MYO1D: variants seen among roughly 807,000 people sequenced by gnomAD.
The protein encoded by MYO1D is myosin ID.
Under a neutral mutation model 122.0 loss-of-function variants are expected in MYO1D, and 83 were observed. The observed-to-expected ratio is 0.68, with a 90% CI of 0.57 to 0.82. MYO1D has a LOEUF of 0.82. MYO1D is among the 40% of genes least tolerant of loss of function. The probability of loss-of-function intolerance (pLI) is 0.00; values close to 1 mark genes in which losing one functional copy is unlikely to be tolerated. For synonymous variants in MYO1D, 464 were observed against 446.9 expected (o/e 1.04, Z -0.48); for missense variants, 1,157 against 1,269.5 (o/e 0.91, Z 1.35).
intron 20 of MYO1D, among the ~76,000 whole-genome samples, chr17:32,631,812 A>G (rs1237022420): frequency 6.6e-6 from 1 of 152,184 alleles, no homozygotes; most frequent in African/African-American, 2.4e-5. Context: ...TCAAGGGTGA[A>G]GTGTCACAAG....
At chr17:32,512,684 C>G (rs1435055198) in intron 21 of MYO1D, among the ~76,000 whole-genome samples, 1 of 152,232 alleles carries the variant, frequency 6.6e-6, no homozygotes, top group African/African-American at 2.4e-5. Flanking sequence ...AGCCACTGAA[C>G]AGGGTGCCAA....
chr17:32,625,259 C>G (rs1232795555), intron 20 of MYO1D, among the ~76,000 whole-genome samples: 2 of 151,912 alleles, frequency 1.3e-5, no homozygotes, highest in African/African-American at 2.4e-5. Flanking sequence ...GTAAGAAAGA[C>G]TTAAATAGAT....
At chr17:32,662,084 C>T (rs2088573526) in intron 16 of MYO1D, among the ~76,000 whole-genome samples, 1 of 152,130 alleles carries the variant, frequency 6.6e-6, no homozygotes, top group African/African-American at 2.4e-5. Context: ...TTTTACTTGT[C>T]AGGCACATTA....
intron 21 of MYO1D, among the ~76,000 whole-genome samples, chr17:32,543,087 A>G (rs2905170): frequency 0.99 from 150,005 of 151,402 alleles, 74,312 homozygotes; most frequent in East Asian, 1. Context: ...TTAGCCAGGC[A>G]TGGTGGCGGG....
chr17:32,688,739 C>T (rs151313042), intron 16 of MYO1D, among the ~76,000 whole-genome samples: 150 of 152,196 alleles, frequency 9.9e-4, no homozygotes, highest in South Asian at 1.9e-3. Context: ...GGTTTTTGAA[C>T]GGAGACACAA....
At chr17:32,731,940 G>A (rs1004643915) in intron 14 of MYO1D, among the ~76,000 whole-genome samples, 3 of 152,256 alleles carry the variant, frequency 2.0e-5, no homozygotes, top group African/African-American at 7.2e-5. Context: ...GCTTGGATGT[G>A]CTGCTCCCAA....
intron 21 of MYO1D, among the ~76,000 whole-genome samples, chr17:32,564,322 C>T (rs1030004934): frequency 2.6e-5 from 4 of 152,218 alleles, no homozygotes; most frequent in African/African-American, 9.7e-5. Context: ...TAATTACTCA[C>T]ACAAGTCTGG....
chr17:32,560,556 T>TATATATATATATATATATATATACATAC (rs1567890309), intron 21 of MYO1D, among the ~76,000 whole-genome samples: 1 of 114,130 alleles, frequency 8.8e-6, no homozygotes, highest in Non-Finnish European at 1.9e-5. Flanking sequence ...TATATATATA[T>TATATATATATATATATATATATACATAC]ATATATATAT....
intron 21 of MYO1D, among the ~76,000 whole-genome samples, chr17:32,587,859 C>T (rs56035164): frequency 2.1e-4 from 32 of 152,348 alleles, no homozygotes; most frequent in African/African-American, 7.2e-4. Flanking sequence ...CTTCCAGCTG[C>T]AGCAGCAGGG....
chr17:32,833,099 C>T (rs745882552), intron 1 of MYO1D, among the ~76,000 whole-genome samples: 49 of 152,218 alleles, frequency 3.2e-4, no homozygotes, highest in Non-Finnish European at 1.9e-4. Flanking sequence ...CACTTGCCTA[C>T]TTAGCATTTC....
chr17:32,633,468 A>C (rs1386613668), intron 20 of MYO1D, among the ~76,000 whole-genome samples: 1 of 152,090 alleles, frequency 6.6e-6, no homozygotes, highest in East Asian at 1.9e-4. Flanking sequence ...TCATTTAACT[A>C]ATTTGCTTCA....
chr17:32,764,127 C>T (rs1389829919), intron 8 of MYO1D, among the ~76,000 whole-genome samples: 2 of 152,136 alleles, frequency 1.3e-5, no homozygotes, highest in African/African-American at 4.8e-5. Flanking sequence ...AGGCTTAGTA[C>T]ACAGCCCTGG....
chr17:32,521,146 A>C (rs1910123653), intron 21 of MYO1D, among the ~76,000 whole-genome samples: 1 of 152,216 alleles, frequency 6.6e-6, no homozygotes, highest in African/African-American at 2.4e-5. Flanking sequence ...GAACACATCT[A>C]AAATCTTCTG....
At position 32,603,286 on chromosome 17, in the gene MYO1D, T is replaced by C. The variant is rs181451395; in HGVS notation, c.2864+1801A>G. Among the ~76,000 whole-genome samples, 20 of 152,272 alleles carry C rather than the reference T, an allele frequency of 1.3e-4. No homozygotes were observed. In the East Asian group the frequency reaches 3.9e-3, roughly 29 times the overall value. On this transcript the variant is annotated intron_variant, in intron 21 of 21. Transcript: ENST00000318217. Reference sequence around the variant, plus strand: ...ATTTCTGTCACTTGTAGAAGGCACTTAATAGATCAGAATTTGCTAAATAAG... The same window carrying C: ...ATTTCTGTCACTTGTAGAAGGCACTCAATAGATCAGAATTTGCTAAATAAG...
intron 14 of MYO1D, among the ~76,000 whole-genome samples, chr17:32,731,447 C>A (rs1206351174): frequency 1.3e-5 from 2 of 152,074 alleles, no homozygotes; most frequent in African/African-American, 2.4e-5. Flanking sequence ...TTCTCATATT[C>A]TCTTTCTGAT....
intron 20 of MYO1D, among the ~76,000 whole-genome samples, chr17:32,606,757 A>C (rs770045878): frequency 1.3e-5 from 2 of 152,254 alleles, no homozygotes; most frequent in African/African-American, 2.4e-5. Context: ...GTGAAGAAGG[A>C]CTGAATGTTT....
At chr17:32,746,766 T>C (rs138905276) in intron 12 of MYO1D, among the ~76,000 whole-genome samples, 3 of 152,296 alleles carry the variant, frequency 2.0e-5, no homozygotes, top group African/African-American at 4.8e-5. Flanking sequence ...GTCTGAGGCA[T>C]TGAATATCCC....
chr17:32,588,853 G>GA (rs898970544), intron 21 of MYO1D, among the ~76,000 whole-genome samples: 101 of 152,150 alleles, frequency 6.6e-4, no homozygotes, highest in African/African-American at 2.4e-3. Flanking sequence ...TGAGGCAGGA[G>GA]AATCACTTGA....
At chr17:32,804,342 A>G (rs558819263) in intron 1 of MYO1D, among the ~76,000 whole-genome samples, 1 of 152,356 alleles carries the variant, frequency 6.6e-6, no homozygotes, top group South Asian at 2.1e-4. Flanking sequence ...ACATAGATAT[A>G]GAGGGCTCTA....
Sources: gnomAD v4.1 joint callset for allele counts (sites outside exome capture counted in the v4.1 genomes callset) on GRCh38, gnomAD v4.1.1 for gene constraint, MANE v1.5 for transcripts, NCBI Gene and HGNC (gene_info 2026-07-23, HGNC 2026-07-21) for gene names.